ZCWPW2: variants seen among roughly 807,000 people sequenced by gnomAD.
ZCWPW2 encodes the protein zinc finger CW-type and PWWP domain containing 2.
ZCWPW2 carries 45 observed loss-of-function variants against 46.6 expected under a neutral mutation model. The ratio of observed to expected loss-of-function variants is 0.96; its 90% CI spans 0.76 to 1.24. The LOEUF (loss-of-function observed/expected upper bound fraction) is 1.24, where lower values mean the gene tolerates loss of function less well. Ranked by LOEUF, ZCWPW2 falls within the 50% of genes most tolerant of loss-of-function variation. The pLI, the probability that ZCWPW2 is intolerant of heterozygous loss-of-function variation, is 0.00. For missense variants in ZCWPW2, 429 were observed against 403.9 expected (o/e 1.06, Z -0.53); for synonymous variants, 152 against 137.1 (o/e 1.11, Z -0.76).
chr3:28,520,149 C>T (rs1037195593), intron 8 of ZCWPW2, among the ~76,000 whole-genome samples: 1 of 151,778 alleles, frequency 6.6e-6, no homozygotes, highest in Admixed American at 6.6e-5. Flanking sequence ...GTACTACAGG[C>T]ACCCACCACC....
intron 4 of ZCWPW2, among the ~76,000 whole-genome samples, chr3:28,464,363 C>A (rs140868235): frequency 1.5e-3 from 235 of 152,128 alleles, no homozygotes; most frequent in African/African-American, 5.4e-3. Context: ...TTCCTGCCTT[C>A]ATGCAACCTA....
intron 2 of ZCWPW2, among the ~76,000 whole-genome samples, chr3:28,412,642 G>T (rs1166294705): frequency 6.6e-6 from 1 of 151,900 alleles, no homozygotes; most frequent in East Asian, 1.9e-4. Flanking sequence ...AAGGTTGTTG[G>T]GAAGACTATA....
At chr3:28,470,889 A>G (rs1699017891) in intron 4 of ZCWPW2, among the ~76,000 whole-genome samples, 1 of 152,072 alleles carries the variant, frequency 6.6e-6, no homozygotes, top group South Asian at 2.1e-4. Context: ...AAGAGATAAG[A>G]CCCAATAAAT....
chr3:28,379,493 G>C (rs1240854620), intron 1 of ZCWPW2, among the ~76,000 whole-genome samples: 1 of 152,150 alleles, frequency 6.6e-6, no homozygotes, highest in Non-Finnish European at 1.5e-5. Context: ...TCAACAAGTA[G>C]AAAGTTTGTC....
Position 28,447,933 on chromosome 3 carries a change from A to C in ZCWPW2, c.492+12664A>C, listed in dbSNP as rs537977003. The C allele has an allele frequency of 7.9e-6, 6 of 761,562 alleles. 1 individual carries two copies. The highest frequency in any genetic ancestry group is 4.1e-5 in the South Asian group (3 of 73,414). The allele number at this position is 761,562 out of a possible 1,614,324, so 47.2% of individuals were successfully genotyped here. ...AAGTTCTTATGAGATTGTCCAAAAC[A>C]AAAAAACATGTCAGCAGGCCCTATG... On this transcript the variant is annotated intron_variant, in intron 4 of 9. Transcript: ENST00000383768.
chr3:28,514,981 C>G (rs1260455498), intron 7 of ZCWPW2, among the ~76,000 whole-genome samples: 2 of 152,154 alleles, frequency 1.3e-5, no homozygotes, highest in Non-Finnish European at 2.9e-5. Flanking sequence ...TTTCATTACA[C>G]TTCACAGTAA....
Position 28,378,536 on chromosome 3 carries a change from C to T in ZCWPW2, c.-133-11962C>T, listed in dbSNP as rs558918306. The stretch of plus-strand genomic sequence containing the variant: ...TCTACGAATTAACTATTATTACCAT[C>T]AACATATACATATGATAAAGAGATG... On this transcript the variant is annotated intron_variant, in intron 1 of 9. Transcript: ENST00000383768. Among the ~76,000 whole-genome samples the T allele has an allele frequency of 9.3e-4, 142 of 152,152 alleles. 1 individual carries two copies. The highest frequency in any genetic ancestry group is 7.2e-4 in the Non-Finnish European group (49 of 67,946).
At chr3:28,474,834 G>T (rs1699179015) in intron 4 of ZCWPW2, among the ~76,000 whole-genome samples, 1 of 128,846 alleles carries the variant, frequency 7.8e-6, no homozygotes, top group African/African-American at 2.7e-5. Context: ...TGTTGTTGTT[G>T]TTGTTGTTTG....
intron 4 of ZCWPW2, chr3:28,447,985 C>T: frequency 7.8e-6 from 4 of 513,844 alleles, no homozygotes; most frequent in Non-Finnish European, 1.4e-5. Flanking sequence ...TAAATGTTTT[C>T]ATGACAGGAT....
At chr3:28,414,727 G>A (rs1221473064) in intron 3 of ZCWPW2, among the ~76,000 whole-genome samples, 8 of 87,178 alleles carry the variant, frequency 9.2e-5, no homozygotes, top group African/African-American at 2.3e-4. Context: ...TTGTCCTTGC[G>A]AAAGTTTGCT....
intron 3 of ZCWPW2, among the ~76,000 whole-genome samples, chr3:28,432,795 C>A (rs1697319514): frequency 6.6e-6 from 1 of 151,910 alleles, no homozygotes; most frequent in Non-Finnish European, 1.5e-5. Context: ...AATAAAATAT[C>A]TAGCTATAGT....
intron 4 of ZCWPW2, among the ~76,000 whole-genome samples, chr3:28,436,051 AATAG>A (rs1274622620): frequency 1.4e-4 from 21 of 152,118 alleles, no homozygotes; most frequent in Admixed American, 5.2e-4. Flanking sequence ...CATTATAATT[AATAG>A]ATAGATTATT....
intron 6 of ZCWPW2, among the ~76,000 whole-genome samples, chr3:28,512,953 A>C (rs1303099476): frequency 1.3e-5 from 2 of 152,196 alleles, no homozygotes; most frequent in Non-Finnish European, 2.9e-5. Context: ...ATAAATGTAG[A>C]TAAAATTAGA....
At chr3:28,467,977 A>G (rs183108267) in intron 4 of ZCWPW2, among the ~76,000 whole-genome samples, 154 of 152,286 alleles carry the variant, frequency 1.0e-3, no homozygotes, top group African/African-American at 3.3e-3. Context: ...AACAAAGTAA[A>G]TAAAGCAACA....
At chr3:28,468,799 G>A (rs910411235) in intron 4 of ZCWPW2, among the ~76,000 whole-genome samples, 1 of 152,096 alleles carries the variant, frequency 6.6e-6, no homozygotes, top group African/African-American at 2.4e-5. Flanking sequence ...CACCAGACCT[G>A]TCCTACAAGA....
chr3:28,464,846 G>T (rs188272321), intron 4 of ZCWPW2, among the ~76,000 whole-genome samples: 1 of 152,114 alleles, frequency 6.6e-6, no homozygotes, highest in South Asian at 2.1e-4. Context: ...TATTATTTTA[G>T]TGTTATCAGA....
intron 1 of ZCWPW2, among the ~76,000 whole-genome samples, chr3:28,386,718 T>C (rs1695286531): frequency 6.6e-6 from 1 of 152,198 alleles, no homozygotes; most frequent in Non-Finnish European, 1.5e-5. Context: ...GGTTATATGA[T>C]TATAGATATT....
chr3:28,521,670 T>C (rs1231026288), intron 9 of ZCWPW2, among the ~76,000 whole-genome samples: 1 of 152,210 alleles, frequency 6.6e-6, no homozygotes, highest in Non-Finnish European at 1.5e-5. Flanking sequence ...CTTACTTTAT[T>C]CAGTGTCTCT....
intron 1 of ZCWPW2, among the ~76,000 whole-genome samples, chr3:28,360,939 A>G (rs762065316): frequency 3.3e-5 from 5 of 152,140 alleles, no homozygotes; most frequent in South Asian, 2.1e-4. Flanking sequence ...GGCCCAGGAA[A>G]GTTATTTATG....
Sources: allele counts gnomAD v4.1 joint callset (sites outside exome capture counted in the v4.1 genomes callset), GRCh38; gene constraint gnomAD v4.1.1; transcripts MANE v1.5; gene names NCBI Gene and HGNC (gene_info 2026-07-23, HGNC 2026-07-21).